The following SLC7A1 variants were observed in gnomAD, a reference collection of about 807,000 sequenced individuals.
SLC7A1 encodes the protein solute carrier family 7 member 1.
A neutral mutation model predicts 53.9 loss-of-function variants in SLC7A1; 10 were observed. The observed-to-expected ratio is 0.19, with a 90% CI of 0.11 to 0.31. SLC7A1 has a LOEUF of 0.31. SLC7A1 is among the 10% of genes least tolerant of loss of function. SLC7A1 has a pLI of 1.00. For synonymous variants in SLC7A1, 342 were observed against 338.7 expected, an observed-to-expected ratio of 1.01 and a Z score of -0.11; for missense variants, 525 against 827.2, an observed-to-expected ratio of 0.63 and a Z score of 4.48.
chr13:29,537,416 A>T (rs1173343393), intron 2 of SLC7A1, among the ~76,000 whole-genome samples: 1 of 152,218 alleles, frequency 6.6e-6, no homozygotes, highest in African/African-American at 2.4e-5. Context: ...AAAAACTAGG[A>T]AAGTCTGAGA....
chr13:29,595,134 G>A (rs2139201406), intron 1 of SLC7A1, among the ~76,000 whole-genome samples: 1 of 152,154 alleles, frequency 6.6e-6, no homozygotes, highest in Non-Finnish European at 1.5e-5. Flanking sequence ...GATCGCCCAC[G>A]CTTACTCACT....
At chr13:29,578,326 C>T (rs1445624772) in intron 1 of SLC7A1, among the ~76,000 whole-genome samples, 6 of 152,050 alleles carry the variant, frequency 3.9e-5, no homozygotes, top group Admixed American at 3.9e-4. Context: ...TCTTTGCCAT[C>T]CTTTGTCCTA....
In SLC7A1 at chr13:29,522,425, C is replaced by G; in HGVS notation, c.1081G>C (p.Val361Leu). 1 of 1,614,120 alleles carries G rather than the reference C, an allele frequency of 6.2e-7. No homozygotes were observed. The highest frequency in any genetic ancestry group is 8.5e-7 in the Non-Finnish European group (1 of 1,179,986). Residue 361 changes from valine to leucine, a missense_variant, in exon 8 of 13, where the codon GTT becomes CTT. Transcript: ENST00000380752. ...CCATCCTCAGCCATGGCATAGATAACCCGAGGCATGGGAAACATGGAACCT... is the reference window on the plus strand; with the variant it reads ...CCATCCTCAGCCATGGCATAGATAAGCCGAGGCATGGGAAACATGGAACCT... ...LLGSMFPMPRVIYAMAEDGLL... is the reference protein window; with the variant it reads ...LLGSMFPMPRLIYAMAEDGLL...
At chr13:29,569,848 G>C (rs1871123182) in intron 1 of SLC7A1, among the ~76,000 whole-genome samples, 1 of 152,178 alleles carries the variant, frequency 6.6e-6, no homozygotes, top group Non-Finnish European at 1.5e-5. Flanking sequence ...GCTTATCAGA[G>C]CTCTAGGAGG....
intron 9 of SLC7A1, among the ~76,000 whole-genome samples, chr13:29,518,212 T>C (rs147588387): frequency 0.012 from 1,828 of 152,290 alleles, 32 homozygotes; most frequent in African/African-American, 0.042. Flanking sequence ...GCCAGAGAAA[T>C]GTGGCTGCAG....
At chr13:29,570,951 T>C (rs1237653506) in intron 1 of SLC7A1, among the ~76,000 whole-genome samples, 2 of 152,214 alleles carry the variant, frequency 1.3e-5, no homozygotes, top group South Asian at 2.1e-4. Flanking sequence ...AATTTATATA[T>C]GTAAAGCACT....
At chr13:29,550,076 C>T (rs1243828003) in intron 2 of SLC7A1, among the ~76,000 whole-genome samples, 2 of 152,218 alleles carry the variant, frequency 1.3e-5, no homozygotes, top group African/African-American at 2.4e-5. Flanking sequence ...CTGTAAGGAC[C>T]TCTTGCCTGC....
rs570604399 is a variant in SLC7A1, at chr13:29,524,576, C to T, written c.705-323G>A. 2.8e-3 allele frequency among the ~76,000 whole-genome samples: 423 copies of T among 152,284 alleles called. 1 individual carries two copies. Among genetic ancestry groups the T allele is most frequent in the African/African-American group, 9.3e-3 (385 of 41,554 alleles). On this transcript the variant is annotated intron_variant, in intron 5 of 12. Coordinates refer to ENST00000380752, the MANE Select transcript of SLC7A1 (RefSeq NM_003045.5). Reference sequence around the variant, plus strand: ...GGAAATGGGGGAGAAACCAGCCACGCGGCCAGTCCCACACCCTTCTCCCCA... The same window carrying T: ...GGAAATGGGGGAGAAACCAGCCACGTGGCCAGTCCCACACCCTTCTCCCCA...
At position 29,519,449 on chromosome 13, in the gene SLC7A1, T is replaced by C; in HGVS notation, c.1290A>G (p.Leu430=). 6.2e-7 allele frequency: 1 copy of C among 1,601,020 alleles called. No homozygotes were observed. Among genetic ancestry groups the C allele is most frequent in the Admixed American group, 1.7e-5 (1 of 59,952 alleles). The change falls in exon 9 of 13, where the codon TTA becomes TTG. Residue 430 remains leucine (L), a splice_region_variant and synonymous_variant. Coordinates refer to ENST00000380752, the MANE Select transcript of SLC7A1 (RefSeq NM_003045.5). ...YSLVAACVLV[L]RYQPEQPNLV... is the part of the protein sequence containing the mutation. The stretch of plus-strand genomic sequence containing the variant: ...AGACCCCCAAAAGCCATACATACCG[T>C]AAGACCAACACACAGGCAGCCACCA...
intron 1 of SLC7A1, among the ~76,000 whole-genome samples, chr13:29,581,520 G>A (rs116480966): frequency 0.035 from 5,294 of 152,286 alleles, 207 homozygotes; most frequent in African/African-American, 0.088. Flanking sequence ...CCTTTAGCCA[G>A]CCACTTCTAA....
intron 1 of SLC7A1, among the ~76,000 whole-genome samples, chr13:29,570,931 G>A (rs1157917940): frequency 6.6e-6 from 1 of 152,046 alleles, no homozygotes; most frequent in Admixed American, 6.6e-5. Flanking sequence ...AAGATGAGGA[G>A]GTTTCAATGA....
chr13:29,577,074 A>C (rs1237278127), intron 1 of SLC7A1, among the ~76,000 whole-genome samples: 3 of 152,258 alleles, frequency 2.0e-5, no homozygotes, highest in Non-Finnish European at 2.9e-5. Context: ...GTGAAACACA[A>C]GGTGAATTCT....
At chr13:29,569,631 A>G (rs1024999757) in intron 1 of SLC7A1, among the ~76,000 whole-genome samples, 2 of 152,232 alleles carry the variant, frequency 1.3e-5, no homozygotes, top group Admixed American at 6.5e-5. Context: ...CATTCTCAAG[A>G]GTACCCACAG....
intron 1 of SLC7A1, among the ~76,000 whole-genome samples, chr13:29,561,061 G>A (rs2139151351): frequency 6.6e-6 from 1 of 152,298 alleles, no homozygotes; most frequent in Admixed American, 6.5e-5. Flanking sequence ...TATGTACTGA[G>A]TGCCAGGTGT....
intron 1 of SLC7A1, among the ~76,000 whole-genome samples, chr13:29,576,603 T>C (rs1871425409): frequency 6.6e-6 from 1 of 152,216 alleles, no homozygotes; most frequent in African/African-American, 2.4e-5. Context: ...GCCATCCCGA[T>C]GGTCCACTTG....
At chr13:29,529,856 G>C (rs1869070405) in intron 5 of SLC7A1, among the ~76,000 whole-genome samples, 2 of 152,150 alleles carry the variant, frequency 1.3e-5, no homozygotes. Context: ...AGATATGACT[G>C]TTTGGCTTTT....
rs138213543 is a variant in SLC7A1 at position 29,532,861 on chromosome 13, G to A, written c.492C>T (p.Pro164=). ...LNAPGVLAEN[P]DIFAVIIILI... is the part of the protein sequence containing the mutation. Reference sequence around the variant, plus strand: ...GAATTATGATCACTGCGAATATGTCGGGGTTTTCAGCCAGCACGCCGGGGG... The same window carrying A: ...GAATTATGATCACTGCGAATATGTCAGGGTTTTCAGCCAGCACGCCGGGGG... Residue 164 remains proline, a synonymous_variant, in exon 4 of 13, where the codon CCC becomes CCT. Coordinates refer to ENST00000380752, the MANE Select transcript of SLC7A1 (RefSeq NM_003045.5). 8.7e-5 allele frequency: 141 copies of A among 1,614,014 alleles called. No individual in the cohort carries two copies. The highest frequency in any genetic ancestry group is 7.5e-4 in the African/African-American group (56 of 75,026).
At chr13:29,543,434 G>A (rs187274952) in intron 2 of SLC7A1, among the ~76,000 whole-genome samples, 1,651 of 150,824 alleles carry the variant, frequency 0.011, 26 homozygotes, top group African/African-American at 0.038. Context: ...AGTCCTTCAG[G>A]CCTCCCTGAC....
rs374495102 is a variant in SLC7A1, at chr13:29,514,588, G to A, written c.1787-5C>T. The A allele has an allele frequency of 1.2e-5, 19 of 1,602,472 alleles. No homozygotes were observed. In the East Asian group the frequency reaches 1.3e-4, roughly 11 times the overall value. On this transcript the variant is annotated splice_region_variant and splice_polypyrimidine_tract_variant and intron_variant, in intron 12 of 12. Transcript: ENST00000380752. ...AGCCAAAGTAGATGATGAAGCCTGC[G>A]GGCCGACAGCAGAGACGGGCGTGAA...
Sources: allele counts gnomAD v4.1 joint callset (sites outside exome capture counted in the v4.1 genomes callset), GRCh38; gene constraint gnomAD v4.1.1; transcripts MANE v1.5; gene names NCBI Gene and HGNC (gene_info 2026-07-23, HGNC 2026-07-21).